CACNA2D3: variants seen among roughly 807,000 people sequenced by gnomAD.
CACNA2D3 encodes voltage-dependent calcium channel subunit alpha-2/delta-3.
Under a neutral mutation model 160.6 loss-of-function variants are expected in CACNA2D3, and 60 were observed. The observed-to-expected ratio is 0.37, with a 90% CI of 0.30 to 0.46. The LOEUF (loss-of-function observed/expected upper bound fraction) is 0.46, where lower values mean the gene tolerates loss of function less well. Among genes scored for constraint, CACNA2D3 ranks in the 20% least tolerant of loss-of-function variants. The pLI, the probability that CACNA2D3 is intolerant of heterozygous loss-of-function variation, is 1.00. For synonymous variants in CACNA2D3, 558 were observed against 492.9 expected (o/e 1.13, Z -1.75); for missense variants, 1,205 against 1,365.0 (o/e 0.88, Z 1.85).
chr3:54,968,767 G>A (rs1161589011), intron 28 of CACNA2D3, among the ~76,000 whole-genome samples: 2 of 152,182 alleles, frequency 1.3e-5, no homozygotes, highest in African/African-American at 2.4e-5. Flanking sequence ...ACCTTCCAAA[G>A]GAGTTTTTCT....
At chr3:54,576,628 A>G (rs1702586453) in intron 8 of CACNA2D3, among the ~76,000 whole-genome samples, 1 of 152,204 alleles carries the variant, frequency 6.6e-6, no homozygotes, top group Non-Finnish European at 1.5e-5. Context: ...TACCTCAGCA[A>G]GAGTTGTGCG....
chr3:54,614,554 T>C (rs986326386), intron 9 of CACNA2D3, among the ~76,000 whole-genome samples: 2 of 152,240 alleles, frequency 1.3e-5, no homozygotes, highest in Admixed American at 1.3e-4. Context: ...TTTGCCCTTT[T>C]ACTTGGCCCT....
chr3:54,475,525 A>C (rs896651700), intron 4 of CACNA2D3, among the ~76,000 whole-genome samples: 6 of 152,098 alleles, frequency 3.9e-5, no homozygotes, highest in African/African-American at 1.4e-4. Context: ...CATACTTGGG[A>C]GGTCTCATCA....
chr3:54,793,805 A>G (rs1368014507), intron 13 of CACNA2D3, among the ~76,000 whole-genome samples: 1 of 152,132 alleles, frequency 6.6e-6, no homozygotes, highest in Non-Finnish European at 1.5e-5. Context: ...AGATTGCTGT[A>G]TTTCTTCTTG....
At chr3:54,560,032 G>C (rs1241985003) in intron 5 of CACNA2D3, among the ~76,000 whole-genome samples, 1 of 152,168 alleles carries the variant, frequency 6.6e-6, no homozygotes, top group East Asian at 1.9e-4. Context: ...TGTGAGTAGT[G>C]CAGCACTGAA....
chr3:55,043,415 T>C (rs1028601723), intron 35 of CACNA2D3, among the ~76,000 whole-genome samples: 4 of 147,568 alleles, frequency 2.7e-5, no homozygotes, highest in African/African-American at 9.9e-5. Flanking sequence ...AATAATGATT[T>C]TAAGATTCTT....
chr3:54,352,145 C>T (rs934470481), intron 3 of CACNA2D3, among the ~76,000 whole-genome samples: 1 of 152,206 alleles, frequency 6.6e-6, no homozygotes, highest in Non-Finnish European at 1.5e-5. Flanking sequence ...GAAAGTCAGA[C>T]AGCAAAAGGG....
chr3:54,871,043 TACACACACACACACACACACACACACAC>T (rs58370850), intron 17 of CACNA2D3, among the ~76,000 whole-genome samples: 14 of 143,038 alleles, frequency 9.8e-5, no homozygotes, highest in East Asian at 8.0e-4. Context: ...AGCTTTGGGA[TACACACACACACACACACACACACACAC>T]ACACACACAC....
intron 11 of CACNA2D3, among the ~76,000 whole-genome samples, chr3:54,733,020 C>G (rs556502535): frequency 6.6e-6 from 1 of 152,354 alleles, no homozygotes; most frequent in East Asian, 1.9e-4. Context: ...ACCATCCCCA[C>G]AGGTTCTCCC....
intron 2 of CACNA2D3, among the ~76,000 whole-genome samples, chr3:54,221,723 C>T (rs537453905): frequency 3.8e-4 from 58 of 152,200 alleles, no homozygotes; most frequent in African/African-American, 1.3e-3. Context: ...GTCCCATATA[C>T]TTTTAAGTCA....
intron 35 of CACNA2D3, among the ~76,000 whole-genome samples, chr3:55,019,596 T>G (rs1157598229): frequency 1.3e-5 from 2 of 152,152 alleles, no homozygotes; most frequent in Non-Finnish European, 2.9e-5. Flanking sequence ...ATCACTGATT[T>G]CTGTAGATTG....
At position 55,004,367 on chromosome 3, in the gene CACNA2D3, T is replaced by A. The variant is rs1703042810; in HGVS notation, c.2691-396T>A. Among the ~76,000 whole-genome samples, 3 of 152,208 alleles carry A rather than the reference T, an allele frequency of 2.0e-5. No homozygotes were observed. In the South Asian group the frequency reaches 6.2e-4, roughly 31 times the overall value. On this transcript the variant is annotated intron_variant, in intron 31 of 37. Transcript: ENST00000474759. The stretch of plus-strand genomic sequence containing the variant: ...TGCTTTATCCCAAAGTGGTTCTTCT[T>A]AGTTCTCCTGTCCCTTGGAGACATG...
intron 8 of CACNA2D3, among the ~76,000 whole-genome samples, chr3:54,574,881 TGTTA>T (rs1344877062): frequency 6.6e-6 from 1 of 152,254 alleles, no homozygotes; most frequent in Non-Finnish European, 1.5e-5. Context: ...GAGCATCATT[TGTTA>T]GTTCAAGCAA....
intron 9 of CACNA2D3, among the ~76,000 whole-genome samples, chr3:54,595,114 A>G (rs1256745396): frequency 3.9e-5 from 6 of 152,222 alleles, no homozygotes; most frequent in African/African-American, 1.4e-4. Flanking sequence ...TTTATGTGAT[A>G]ATGTATCCTT....
chr3:55,029,174 G>A (rs993606012), intron 35 of CACNA2D3, among the ~76,000 whole-genome samples: 20 of 152,136 alleles, frequency 1.3e-4, no homozygotes, highest in Non-Finnish European at 2.8e-4. Context: ...TGGATCCATT[G>A]CACAATAGGG....
chr3:54,969,768 AAC>A, intron 28 of CACNA2D3, 30 bp from the exon 29 acceptor site: 1 of 1,608,124 alleles, frequency 6.2e-7, no homozygotes, highest in South Asian at 1.1e-5. Context: ...GTAACATAGT[AAC>A]ACATTTCCCT....
At chr3:54,616,664 G>A (rs1394287956) in intron 9 of CACNA2D3, among the ~76,000 whole-genome samples, 1 of 152,200 alleles carries the variant, frequency 6.6e-6, no homozygotes, top group African/African-American at 2.4e-5. Flanking sequence ...GATAAAACAA[G>A]ATTGGCTGTG....
chr3:54,581,501 A>G (rs1702676947), intron 8 of CACNA2D3, among the ~76,000 whole-genome samples: 2 of 152,088 alleles, frequency 1.3e-5, no homozygotes, highest in South Asian at 4.2e-4. Context: ...ATGCCCAGGG[A>G]ACTGCCAGCG....
chr3:54,783,916 A>G (rs1312169849), intron 13 of CACNA2D3, among the ~76,000 whole-genome samples: 1 of 152,232 alleles, frequency 6.6e-6, no homozygotes, highest in African/African-American at 2.4e-5. Flanking sequence ...ACATCACAAA[A>G]GGATTTTGAT....
Sources: allele counts gnomAD v4.1 joint callset (sites outside exome capture counted in the v4.1 genomes callset), GRCh38; gene constraint gnomAD v4.1.1; transcripts MANE v1.5; gene names NCBI Gene and HGNC (gene_info 2026-07-23, HGNC 2026-07-21).